ROBO2: variants seen among roughly 807,000 people sequenced by gnomAD.
The protein encoded by ROBO2 is roundabout homolog 2.
In ROBO2, 53 loss-of-function variants were observed where a neutral mutation model predicts 160.8. That is an observed-to-expected ratio of 0.33 (90% CI 0.26 to 0.41). The LOEUF is 0.41. ROBO2 is among the 10% of genes least tolerant of loss of function. ROBO2 has a pLI of 1.00. For synonymous variants in ROBO2, 664 were observed against 611.7 expected, an observed-to-expected ratio of 1.09 and a Z score of -1.26; for missense variants, 1,577 against 1,722.4, an observed-to-expected ratio of 0.92 and a Z score of 1.49.
At chr3:76,267,528 A>G (rs1707171425) in intron 2 of ROBO2, among the ~76,000 whole-genome samples, 1 of 152,174 alleles carries the variant, frequency 6.6e-6, no homozygotes, top group African/African-American at 2.4e-5. Context: ...TTTGCAATTT[A>G]ATTATGCTAT....
At chr3:76,922,002 A>G (rs1306270444) in intron 2 of ROBO2, among the ~76,000 whole-genome samples, 1 of 152,148 alleles carries the variant, frequency 6.6e-6, no homozygotes, top group Non-Finnish European at 1.5e-5. Context: ...ATAAAAATAC[A>G]AATAGAATTG....
intron 2 of ROBO2, among the ~76,000 whole-genome samples, chr3:76,875,137 C>T (rs1338511537): frequency 6.6e-6 from 1 of 152,148 alleles, no homozygotes. Context: ...CAACCCTCTT[C>T]ACCCCTTCCA....
intron 2 of ROBO2, among the ~76,000 whole-genome samples, chr3:76,010,981 T>C (rs1339188809): frequency 6.6e-6 from 1 of 152,210 alleles, no homozygotes; most frequent in Non-Finnish European, 1.5e-5. Flanking sequence ...CCCCCAGAGC[T>C]ATAATCCTCA....
At chr3:76,897,603 G>A (rs1577331673) in intron 2 of ROBO2, among the ~76,000 whole-genome samples, 2 of 152,104 alleles carry the variant, frequency 1.3e-5, no homozygotes, top group Admixed American at 1.3e-4. Flanking sequence ...TAAAACTAGA[G>A]GGTCCTAAAG....
intron 2 of ROBO2, among the ~76,000 whole-genome samples, chr3:76,628,440 T>TTG (rs2089813157): frequency 6.6e-6 from 1 of 150,694 alleles, no homozygotes; most frequent in African/African-American, 2.4e-5. Flanking sequence ...TAGGTTTTTT[T>TTG]TTTTTTTTTT....
intron 2 of ROBO2, among the ~76,000 whole-genome samples, chr3:76,450,899 T>C (rs1377472091): frequency 6.6e-6 from 1 of 152,186 alleles, no homozygotes; most frequent in Non-Finnish European, 1.5e-5. Flanking sequence ...ACCTGTGATA[T>C]GATTCATAAT....
At chr3:77,053,353 T>C (rs2065406846) in intron 1 of ROBO2, among the ~76,000 whole-genome samples, 2 of 152,216 alleles carry the variant, frequency 1.3e-5, no homozygotes, top group African/African-American at 4.8e-5. Flanking sequence ...ATTTTTTATA[T>C]AGCAGCTTAG....
chr3:76,557,941 A>G (rs1370270142), intron 2 of ROBO2, among the ~76,000 whole-genome samples: 2 of 151,904 alleles, frequency 1.3e-5, no homozygotes, highest in African/African-American at 4.8e-5. Context: ...TGGAGCTTCT[A>G]TGTTTCAAAA....
intron 2 of ROBO2, among the ~76,000 whole-genome samples, chr3:76,930,916 A>G (rs1365622947): frequency 2.6e-5 from 4 of 152,240 alleles, no homozygotes; most frequent in Non-Finnish European, 5.9e-5. Flanking sequence ...AGACACATCC[A>G]AAAACAGTTG....
At chr3:77,577,764 A>G (rs2093807599) in intron 15 of ROBO2, 150 bp downstream of exon 16, 1 of 993,470 alleles carries the variant, frequency 1.0e-6, no homozygotes, top group South Asian at 1.4e-5. Context: ...AGAATGAAAC[A>G]AATGCATAGG....
chr3:76,477,399 T>C (rs2078984522), intron 2 of ROBO2, among the ~76,000 whole-genome samples: 1 of 152,144 alleles, frequency 6.6e-6, no homozygotes, highest in African/African-American at 2.4e-5. Context: ...CCCTACTCCA[T>C]GTGTAGCTTA....
intron 4 of ROBO2, among the ~76,000 whole-genome samples, chr3:77,488,049 G>T (rs2085597047): frequency 1.3e-5 from 2 of 152,020 alleles, no homozygotes; most frequent in Non-Finnish European, 2.9e-5. Flanking sequence ...TTGTATATTT[G>T]CTTTCTGAAT....
In ROBO2 at chr3:76,454,814, T is replaced by C. The variant is rs192707701; in HGVS notation, c.109+517212T>C. Among the ~76,000 whole-genome samples, 367 of 152,270 alleles carry C rather than the reference T, an allele frequency of 2.4e-3. 2 individuals carry two copies. Among genetic ancestry groups the C allele is most frequent in the Non-Finnish European group, 3.4e-3 (229 of 67,976 alleles). The stretch of plus-strand genomic sequence containing the variant: ...CCATAGAATGTGTAAATACCATTGC[T>C]ATATGTTATATGTATATAAATTAAT... On this transcript the variant is annotated intron_variant, in intron 2 of 26. Coordinates refer to the ROBO2 transcript ENST00000487694.
At chr3:75,945,459 G>T (rs1338196673) in intron 2 of ROBO2, among the ~76,000 whole-genome samples, 3 of 152,034 alleles carry the variant, frequency 2.0e-5, no homozygotes, top group African/African-American at 7.2e-5. Flanking sequence ...ATTTGCTGTT[G>T]TAATGACCTT....
chr3:76,855,181 A>G (rs542139555), intron 2 of ROBO2, among the ~76,000 whole-genome samples: 1 of 152,346 alleles, frequency 6.6e-6, no homozygotes, highest in African/African-American at 2.4e-5. Flanking sequence ...TAAGCCTTCA[A>G]AACAAACTGA....
At chr3:76,759,238 T>G (rs2061161068) in intron 2 of ROBO2, among the ~76,000 whole-genome samples, 1 of 151,828 alleles carries the variant, frequency 6.6e-6, no homozygotes, top group South Asian at 2.1e-4. Context: ...AAGTCATCTT[T>G]AATTTCTAGT....
At chr3:76,000,209 A>G (rs2065843132) in intron 2 of ROBO2, among the ~76,000 whole-genome samples, 1 of 152,158 alleles carries the variant, frequency 6.6e-6, no homozygotes, top group African/African-American at 2.4e-5. Context: ...CAATTTTACA[A>G]AATATTAACA....
intron 2 of ROBO2, among the ~76,000 whole-genome samples, chr3:77,289,534 A>G (rs1249963979): frequency 6.6e-6 from 1 of 151,706 alleles, no homozygotes; most frequent in Non-Finnish European, 1.5e-5. Context: ...AGGCTAGATC[A>G]CCCCAGACAT....
intron 2 of ROBO2, among the ~76,000 whole-genome samples, chr3:76,511,156 A>G (rs913391664): frequency 1.3e-5 from 2 of 152,188 alleles, no homozygotes; most frequent in Admixed American, 6.5e-5. Flanking sequence ...GACACCCTCT[A>G]CAGGAATTAA....
Sources: allele counts gnomAD v4.1 joint callset (sites outside exome capture counted in the v4.1 genomes callset), GRCh38; gene constraint gnomAD v4.1.1; transcripts MANE v1.5; gene names NCBI Gene and HGNC (gene_info 2026-07-23, HGNC 2026-07-21).